CDC14A: variants seen among roughly 807,000 people sequenced by gnomAD.
CDC14A encodes the protein dual specificity protein phosphatase CDC14A.
CDC14A carries 53 observed loss-of-function variants against 74.4 expected under a neutral mutation model. That is an observed-to-expected ratio of 0.71 (90% CI 0.57 to 0.89). The LOEUF is 0.89. Ranked by LOEUF, CDC14A falls within the 40% of genes least tolerant of loss-of-function variation. The pLI, the probability that CDC14A is intolerant of heterozygous loss-of-function variation, is 0.00. For synonymous variants in CDC14A, 247 were observed against 258.4 expected (o/e 0.96, Z 0.43); for missense variants, 646 against 713.7 (o/e 0.91, Z 1.08).
Position 100,462,734 on chromosome 1 carries a change from A to T in CDC14A, c.691A>T (p.Ile231Phe), listed in dbSNP as rs1557785856. ...VTAVVRLNKK[I>F]YEAKRFTDAG... is the part of the protein sequence containing the mutation. ...TGCAGTTGTGAGGCTAAACAAAAAG[A>T]TTTATGAGGCAAAGCGCTTCACAGA... The change falls in exon 9 of 16, where the codon ATT becomes TTT. Residue 231 changes from isoleucine (I) to phenylalanine (F), a missense_variant. By Grantham distance (21) the Ile-to-Phe change is conservative. Transcript: ENST00000336454. The T allele has an allele frequency of 6.2e-7, 1 of 1,614,160 alleles. No individual in the cohort carries two copies. Among genetic ancestry groups the T allele is most frequent in the East Asian group, 2.2e-5 (1 of 44,862 alleles).
intron 15 of CDC14A, 57 bp from the exon 16 acceptor site, chr1:100,518,194 G>C (rs371020306): frequency 7.3e-7 from 1 of 1,375,358 alleles, no homozygotes; most frequent in Non-Finnish European, 1.0e-6. Flanking sequence ...TGCATGACTT[G>C]CTAGAAGTTT....
chr1:100,373,886 G>T (rs1654845960), intron 2 of CDC14A, among the ~76,000 whole-genome samples: 1 of 151,962 alleles, frequency 6.6e-6, no homozygotes, highest in African/African-American at 2.4e-5. Flanking sequence ...CATGTGCCAT[G>T]CTGGTGTGCT....
intron 9 of CDC14A, 168 bp downstream of exon 9, chr1:100,463,049 C>T (rs1367087507): frequency 8.3e-6 from 5 of 601,312 alleles, no homozygotes; most frequent in Non-Finnish European, 1.2e-5. Context: ...CTTAAAGAAA[C>T]GATTGCTTGG....
At chr1:100,490,423 A>G (rs1288558221) in intron 11 of CDC14A, among the ~76,000 whole-genome samples, 1 of 152,156 alleles carries the variant, frequency 6.6e-6, no homozygotes, top group Admixed American at 6.5e-5. Context: ...TACAATGGCC[A>G]CAGAGAAAAA....
At chr1:100,462,011 A>G (rs1667364380) in intron 8 of CDC14A, among the ~76,000 whole-genome samples, 1 of 152,224 alleles carries the variant, frequency 6.6e-6, no homozygotes. Context: ...TATGTTGTAC[A>G]ATAGATCTCT....
chr1:100,458,094 T>G (rs962343808), intron 8 of CDC14A, among the ~76,000 whole-genome samples: 1 of 152,218 alleles, frequency 6.6e-6, no homozygotes, highest in Non-Finnish European at 1.5e-5. Context: ...CTAAGCCTCT[T>G]GCATATACAT....
At chr1:100,438,675 A>G (rs1312485791) in intron 5 of CDC14A, among the ~76,000 whole-genome samples, 1 of 152,246 alleles carries the variant, frequency 6.6e-6, no homozygotes, top group African/African-American at 2.4e-5. Flanking sequence ...GGACTTAAGC[A>G]TTCTGTTAAG....
rs1216413627 is a variant in CDC14A at position 100,399,514 on chromosome 1, A to G, written c.309+8690A>G. Among the ~76,000 whole-genome samples the G allele has an allele frequency of 3.9e-5, 6 of 152,334 alleles. No individual in the cohort carries two copies. The East Asian group carries it at 1.2e-3, about 29-fold the overall frequency. ...TGTAAACTTTGCATATTGGGTATGAACATTACAGTTTTAGAAATTTAATTG... is the reference window on the plus strand; with the variant it reads ...TGTAAACTTTGCATATTGGGTATGAGCATTACAGTTTTAGAAATTTAATTG... On this transcript the variant is annotated intron_variant, in intron 4 of 15. Transcript: ENST00000336454.
At chr1:100,475,289 T>C (rs1359936295) in intron 10 of CDC14A, among the ~76,000 whole-genome samples, 1 of 152,210 alleles carries the variant, frequency 6.6e-6, no homozygotes, top group Non-Finnish European at 1.5e-5. Context: ...AACTTCCTAT[T>C]TTGTCAGTTG....
chr1:100,424,280 AC>A lies in CDC14A; in HGVS notation c.375del (p.Tyr126IlefsTer64), dbSNP rs773911500. Reference protein sequence around the residue: ...EAYRALLSGSNPPYLPFRDAS... With the variant: ...EAYRALLSGSXPPYLPFRDAS... ...TACAGAGCACTCCTGTCTGGCTCAAACCCCCCCTATCTTCCATTCAGGTATA... is the reference window on the plus strand; with the variant it reads ...TACAGAGCACTCCTGTCTGGCTCAAACCCCCCTATCTTCCATTCAGGTATA... On this transcript the variant is annotated frameshift_variant, in exon 5 of 16. Transcript: ENST00000336454. LOFTEE classifies it high-confidence loss of function. The A allele has an allele frequency of 3.7e-6, 6 of 1,612,544 alleles. No homozygotes were observed. Among genetic ancestry groups the A allele is most frequent in the Admixed American group, 3.3e-5 (2 of 59,952 alleles).
At chr1:100,404,349 GTCTT>G (rs1659656352) in intron 4 of CDC14A, among the ~76,000 whole-genome samples, 1 of 152,164 alleles carries the variant, frequency 6.6e-6, no homozygotes, top group African/African-American at 2.4e-5. Context: ...CTGTCTCTGT[GTCTT>G]TCTTAATTTT....
intron 2 of CDC14A, among the ~76,000 whole-genome samples, chr1:100,360,108 A>ATTTTT (rs35028152): frequency 8.1e-6 from 1 of 123,732 alleles, no homozygotes. Context: ...ACACCCAGCT[A>ATTTTT]TTTTTTTTTT....
intron 3 of CDC14A, among the ~76,000 whole-genome samples, chr1:100,384,274 C>T (rs1656543730): frequency 6.6e-6 from 1 of 152,136 alleles, no homozygotes; most frequent in Admixed American, 6.6e-5. Flanking sequence ...ATTTACATAA[C>T]AGGGGCAAAA....
intron 3 of CDC14A, among the ~76,000 whole-genome samples, chr1:100,382,064 G>A (rs1358921456): frequency 2.0e-5 from 3 of 151,834 alleles, no homozygotes; most frequent in Admixed American, 1.3e-4. Context: ...TCTTCTGGGA[G>A]GATTCATGGC....
At chr1:100,484,052 CAACTAT>C (rs1669788866) in intron 10 of CDC14A, among the ~76,000 whole-genome samples, 1 of 152,078 alleles carries the variant, frequency 6.6e-6, no homozygotes, top group Non-Finnish European at 1.5e-5. Context: ...CTTCAGCAGT[CAACTAT>C]ATAGACAAAT....
At chr1:100,509,751 C>G (rs1649559366) in intron 15 of CDC14A, among the ~76,000 whole-genome samples, 1 of 152,178 alleles carries the variant, frequency 6.6e-6, no homozygotes, top group South Asian at 2.1e-4. Flanking sequence ...TAGTGAATGT[C>G]TAAACAACTC....
At chr1:100,477,275 C>A (rs1668995502) in intron 10 of CDC14A, among the ~76,000 whole-genome samples, 2 of 152,014 alleles carry the variant, frequency 1.3e-5, no homozygotes, top group South Asian at 4.2e-4. Flanking sequence ...GTATAGATAG[C>A]AAATATGTAC....
At chr1:100,453,596 A>G (rs1666361851) in intron 7 of CDC14A, among the ~76,000 whole-genome samples, 1 of 152,210 alleles carries the variant, frequency 6.6e-6, no homozygotes, top group Admixed American at 6.5e-5. Flanking sequence ...ATGTGCAATC[A>G]TAACACTCAG....
chr1:100,500,743 CAAAAAAAAAAAAAAAA>C (rs67947647), intron 15 of CDC14A, among the ~76,000 whole-genome samples: 1 of 53,824 alleles, frequency 1.9e-5, no homozygotes, highest in African/African-American at 7.6e-5. Context: ...GAGCCACTCT[CAAAAAAAAAAAAAAAA>C]AAAAAAAAAA....
Sources: allele counts gnomAD v4.1 joint callset (sites outside exome capture counted in the v4.1 genomes callset), GRCh38; gene constraint gnomAD v4.1.1; transcripts MANE v1.5; gene names NCBI Gene and HGNC (gene_info 2026-07-23, HGNC 2026-07-21).